SEC63: variants seen among roughly 807,000 people sequenced by gnomAD.
SEC63 encodes translocation protein SEC63 homolog.
In SEC63, 56 loss-of-function variants were observed where a neutral mutation model predicts 116.2. The ratio of observed to expected loss-of-function variants is 0.48; its 90% CI spans 0.39 to 0.60. The LOEUF (loss-of-function observed/expected upper bound fraction) is 0.60. SEC63 is among the 20% of genes least tolerant of loss of function. SEC63 has a pLI of 0.00. For missense variants in SEC63, 668 were observed against 900.0 expected (o/e 0.74, Z 3.30); for synonymous variants, 273 against 294.6 (o/e 0.93, Z 0.75).
intron 2 of SEC63, among the ~76,000 whole-genome samples, chr6:107,926,274 T>A (rs1370478475): frequency 6.6e-6 from 1 of 152,204 alleles, no homozygotes. Flanking sequence ...AATAACTAGC[T>A]TTAGGTGATG....
chr6:107,913,722 T>C (rs1583751670), intron 4 of SEC63, among the ~76,000 whole-genome samples: 1 of 152,224 alleles, frequency 6.6e-6, no homozygotes, highest in African/African-American at 2.4e-5. Context: ...GATCAAACTT[T>C]AAAGGCAACT....
chr6:107,955,325 G>C (rs1203040052), intron 1 of SEC63, among the ~76,000 whole-genome samples: 1 of 152,120 alleles, frequency 6.6e-6, no homozygotes, highest in East Asian at 1.9e-4. Context: ...ACCACTCCCA[G>C]CTAACTTTTT....
chr6:107,953,932 C>T (rs1429387054), intron 1 of SEC63, among the ~76,000 whole-genome samples: 1 of 152,068 alleles, frequency 6.6e-6, no homozygotes. Context: ...CGTGAGGAGC[C>T]CCTCTGCCCG....
intron 1 of SEC63, 78 bp downstream of exon 1, chr6:107,957,808 G>C (rs1349636103): frequency 1.5e-6 from 2 of 1,365,388 alleles, no homozygotes; most frequent in East Asian, 3.2e-5. Flanking sequence ...GGCTGGGGCC[G>C]GGCAAGCGGG....
intron 1 of SEC63, among the ~76,000 whole-genome samples, chr6:107,936,080 A>G: frequency 6.6e-6 from 1 of 152,240 alleles, no homozygotes; most frequent in East Asian, 1.9e-4. Context: ...TTATAAGAAC[A>G]ATGCTGAAGT....
chr6:107,925,287 A>C (rs1317131620), intron 2 of SEC63, among the ~76,000 whole-genome samples: 2 of 152,208 alleles, frequency 1.3e-5, no homozygotes, highest in Non-Finnish European at 2.9e-5. Flanking sequence ...AATTGCTCTG[A>C]CCCAGCAATT....
At chr6:107,918,699 AAAAAAC>A (rs1562328773) in intron 4 of SEC63, among the ~76,000 whole-genome samples, 3 of 151,582 alleles carry the variant, frequency 2.0e-5, no homozygotes, top group African/African-American at 4.8e-5. Context: ...CTCAAAAAAA[AAAAAAC>A]AAAAAACAAA....
chr6:107,901,167 A>G (rs1480660634), intron 13 of SEC63, among the ~76,000 whole-genome samples: 1 of 152,212 alleles, frequency 6.6e-6, no homozygotes, highest in Non-Finnish European at 1.5e-5. Context: ...AGGATAATAA[A>G]AGTAGGACTC....
chr6:107,917,475 A>G (rs1787434811), intron 4 of SEC63, among the ~76,000 whole-genome samples: 1 of 152,288 alleles, frequency 6.6e-6, no homozygotes, highest in Admixed American at 6.5e-5. Flanking sequence ...AAAGACTCAC[A>G]CGTCTCTCAC....
intron 1 of SEC63, among the ~76,000 whole-genome samples, chr6:107,944,532 A>C (rs551096180): frequency 6.6e-6 from 1 of 152,212 alleles, no homozygotes; most frequent in South Asian, 2.1e-4. Flanking sequence ...ACCCGTCTGT[A>C]CTAAAAATAC....
intron 2 of SEC63, among the ~76,000 whole-genome samples, chr6:107,926,884 T>A (rs1247048810): frequency 6.6e-6 from 1 of 152,192 alleles, no homozygotes; most frequent in African/African-American, 2.4e-5. Flanking sequence ...CAAAGGCTGA[T>A]GAAAATTACC....
At chr6:107,890,782 C>T (rs893901191) in intron 16 of SEC63, among the ~76,000 whole-genome samples, 13 of 152,138 alleles carry the variant, frequency 8.5e-5, no homozygotes, top group African/African-American at 2.2e-4. Flanking sequence ...AAAATCCCTC[C>T]GCATTTCCTT....
At chr6:107,949,835 T>C (rs965457958) in intron 1 of SEC63, among the ~76,000 whole-genome samples, 1 of 152,128 alleles carries the variant, frequency 6.6e-6, no homozygotes, top group Non-Finnish European at 1.5e-5. Flanking sequence ...CACGGTCTCA[T>C]TATGTTGCCC....
chr6:107,952,467 G>C (rs963624046), intron 1 of SEC63, among the ~76,000 whole-genome samples: 3 of 152,074 alleles, frequency 2.0e-5, no homozygotes, highest in Non-Finnish European at 4.4e-5. Context: ...ATAAAGATTA[G>C]TTAAACTGGG....
At chr6:107,911,044 C>T in intron 7 of SEC63, 1 of 347,690 alleles carries the variant, frequency 2.9e-6, no homozygotes, top group Non-Finnish European at 5.3e-6. Flanking sequence ...GGAGGATATA[C>T]ACATCATGCT....
chr6:107,892,553 G>A (rs991623257), intron 16 of SEC63, among the ~76,000 whole-genome samples: 3 of 151,514 alleles, frequency 2.0e-5, no homozygotes, highest in Non-Finnish European at 4.4e-5. Flanking sequence ...CCTCACTGAC[G>A]AAAAAAAGAG....
chr6:107,877,655 T>A (rs1418597917), intron 18 of SEC63, among the ~76,000 whole-genome samples: 1 of 152,128 alleles, frequency 6.6e-6, no homozygotes, highest in Non-Finnish European at 1.5e-5. Flanking sequence ...TTGCCCTGGC[T>A]GGTCTTGAAC....
chr6:107,871,982 A>G, intron 20 of SEC63, 135 bp from the exon 21 acceptor site: 1 of 835,362 alleles, frequency 1.2e-6, no homozygotes, highest in Non-Finnish European at 1.9e-6. Flanking sequence ...TCTAAATTCA[A>G]CTCATTCATT....
chr6:107,933,127 G>T (rs568033352), intron 1 of SEC63, among the ~76,000 whole-genome samples: 1 of 152,222 alleles, frequency 6.6e-6, no homozygotes, highest in East Asian at 1.9e-4. Context: ...GCAGATGCTG[G>T]ACTAATGCCC....
Sources: allele counts gnomAD v4.1 joint callset (sites outside exome capture counted in the v4.1 genomes callset), GRCh38; gene constraint gnomAD v4.1.1; transcripts MANE v1.5; gene names NCBI Gene and HGNC (gene_info 2026-07-23, HGNC 2026-07-21).